The following DIP2B variants were observed in gnomAD, a reference collection of about 807,000 sequenced individuals.
DIP2B encodes the protein DIP2 acetate--CoA ligase B (putative).
DIP2B carries 76 observed loss-of-function variants against 198.0 expected under a neutral mutation model. The ratio of observed to expected loss-of-function variants is 0.38; its 90% confidence interval spans 0.32 to 0.46. The LOEUF is 0.46. DIP2B is among the 20% of genes least tolerant of loss of function. The pLI is 0.99. For missense variants in DIP2B, 1,559 were observed against 1,978.4 expected (o/e 0.79, Z 4.02); for synonymous variants, 701 against 739.1 (o/e 0.95, Z 0.84).
At chr12:50,558,890 A>C (rs1958493846) in intron 1 of DIP2B, among the ~76,000 whole-genome samples, 1 of 152,178 alleles carries the variant, frequency 6.6e-6, no homozygotes, top group Non-Finnish European at 1.5e-5. Context: ...GATTCACTGA[A>C]AGTTTAAGAA....
intron 36 of DIP2B, among the ~76,000 whole-genome samples, chr12:50,741,025 C>G (rs1000693701): frequency 1.3e-5 from 2 of 152,190 alleles, no homozygotes; most frequent in African/African-American, 4.8e-5. Context: ...CAACGGAATG[C>G]CTCTTTGTGT....
intron 1 of DIP2B, among the ~76,000 whole-genome samples, chr12:50,603,637 A>G (rs1170118946): frequency 2.0e-5 from 3 of 151,812 alleles, no homozygotes; most frequent in Non-Finnish European, 4.4e-5. Context: ...TGGGAGGATC[A>G]TTTGAGCCCA....
chr12:50,515,268 CCT>C (rs1958053765), intron 1 of DIP2B, among the ~76,000 whole-genome samples: 1 of 150,804 alleles, frequency 6.6e-6, no homozygotes, highest in African/African-American at 2.4e-5. Flanking sequence ...GGAATCTCAC[CCT>C]GTTTCCTAGG....
rs200389059 is a variant in DIP2B at position 50,703,875 on chromosome 12, GA to G, written c.2326-252del. Among the ~76,000 whole-genome samples, 994 of 128,666 alleles carry G rather than the reference GA, an allele frequency of 7.7e-3. 11 individuals carry two copies. Among genetic ancestry groups the G allele is most frequent in the African/African-American group, 0.025 (887 of 35,026 alleles). The allele number at this position is 128,666 out of a possible 152,430, so 84.4% of individuals were successfully genotyped here. On this transcript the variant is annotated intron_variant, in intron 19 of 37. Coordinates refer to ENST00000301180, the MANE Select transcript of DIP2B (RefSeq NM_173602.3). ...GTTGCAAAAAGTATAATATCTGTTTGAAAAAAAAAAAAACTCAGCACATTTA... is the reference window on the plus strand; with the variant it reads ...GTTGCAAAAAGTATAATATCTGTTTGAAAAAAAAAAAACTCAGCACATTTA...
Position 50,703,915 on chromosome 12 carries a change from AT to A in DIP2B, c.2326-219del, listed in dbSNP as rs572571961. Among the ~76,000 whole-genome samples, 437 of 149,970 alleles carry A rather than the reference AT, an allele frequency of 2.9e-3. 6 individuals are homozygous for A. Among genetic ancestry groups the A allele is most frequent in the African/African-American group, 0.01 (414 of 41,116 alleles). ...TCAGCACATTTATTTATATATACAT[AT>A]TTTTTATATGTTTTATATATATATT... On this transcript the variant is annotated intron_variant, in intron 19 of 37. Coordinates refer to ENST00000301180, the MANE Select transcript of DIP2B (RefSeq NM_173602.3).
intron 26 of DIP2B, among the ~76,000 whole-genome samples, chr12:50,722,220 A>G (rs1939849822): frequency 6.7e-6 from 1 of 149,520 alleles, no homozygotes; most frequent in African/African-American, 2.5e-5. Flanking sequence ...CACACTTCAT[A>G]TTGTTCTGTG....
intron 32 of DIP2B, among the ~76,000 whole-genome samples, chr12:50,733,534 C>T (rs1940085288): frequency 6.6e-6 from 1 of 151,980 alleles, no homozygotes; most frequent in Non-Finnish European, 1.5e-5. Flanking sequence ...CCCCTACCCC[C>T]ACCACTCACC....
Position 50,678,794 on chromosome 12 carries a change from G to C in DIP2B, c.1032G>C (p.Gln344His). Residue 344 changes from glutamine to histidine, a missense_variant, in exon 8 of 38, where the codon CAG becomes CAC. By Grantham distance (24) the Gln-to-His change is conservative. Transcript: ENST00000301180. Reference protein sequence around the residue: ...NWPPALESALQRWGTTQAKCS... With the variant: ...NWPPALESALHRWGTTQAKCS... ...CTCCTGCTCTTGAATCTGCCCTGCA[G>C]CGCTGGGGTACCACTCAAGCAAAAT... 1 of 1,614,188 alleles carries C rather than the reference G, an allele frequency of 6.2e-7. No individual in the cohort carries two copies. Among genetic ancestry groups the C allele is most frequent in the Non-Finnish European group, 8.5e-7 (1 of 1,180,030 alleles).
chr12:50,625,601 G>A (rs540281160), intron 1 of DIP2B, among the ~76,000 whole-genome samples: 25 of 152,134 alleles, frequency 1.6e-4, no homozygotes, highest in Non-Finnish European at 2.8e-4. Flanking sequence ...TCAGAAACCA[G>A]TTGTACTCAT....
chr12:50,528,761 G>A (rs890618049), intron 1 of DIP2B, among the ~76,000 whole-genome samples: 3 of 152,228 alleles, frequency 2.0e-5, no homozygotes, highest in Non-Finnish European at 4.4e-5. Flanking sequence ...AGAGGCGACT[G>A]CAAAGACATG....
chr12:50,724,214 G>A (rs534776509), intron 27 of DIP2B, among the ~76,000 whole-genome samples: 12 of 152,328 alleles, frequency 7.9e-5, no homozygotes, highest in African/African-American at 2.4e-4. Flanking sequence ...GAAAAGCAGG[G>A]AGGGGAGTTG....
chr12:50,564,948 T>C (rs1309968586), intron 1 of DIP2B, among the ~76,000 whole-genome samples: 1 of 152,202 alleles, frequency 6.6e-6, no homozygotes, highest in Non-Finnish European at 1.5e-5. Context: ...GTAATCCAGT[T>C]TTATTTTTCT....
intron 1 of DIP2B, among the ~76,000 whole-genome samples, chr12:50,620,103 C>T (rs1937781794): frequency 6.6e-6 from 1 of 152,146 alleles, no homozygotes; most frequent in African/African-American, 2.4e-5. Flanking sequence ...AGTCCTTTTG[C>T]CTCAGATGTG....
chr12:50,631,107 C>T (rs749904421), intron 2 of DIP2B, among the ~76,000 whole-genome samples: 2 of 152,010 alleles, frequency 1.3e-5, no homozygotes, highest in Non-Finnish European at 2.9e-5. Context: ...ACTCTTTCTC[C>T]GGTCAGTTTC....
intron 1 of DIP2B, among the ~76,000 whole-genome samples, chr12:50,558,100 TCC>T (rs1565823769): frequency 2.9e-3 from 2 of 690 alleles, no homozygotes; most frequent in Non-Finnish European, 0.11. Flanking sequence ...CGCGGTAGCG[TCC>T]TAAGCCTGTA....
intron 2 of DIP2B, among the ~76,000 whole-genome samples, chr12:50,638,805 G>C (rs1373363364): frequency 6.6e-6 from 1 of 151,806 alleles, no homozygotes; most frequent in African/African-American, 2.4e-5. Context: ...TTTTGATGAG[G>C]CCTGAGGTAT....
chr12:50,550,846 C>T (rs1387253193), intron 1 of DIP2B, among the ~76,000 whole-genome samples: 4 of 152,094 alleles, frequency 2.6e-5, no homozygotes, highest in Admixed American at 2.0e-4. Context: ...AAAGATGGTC[C>T]GACACAGTGG....
rs1217898862 is a variant in DIP2B at position 50,660,234 on chromosome 12, T to C, written c.342T>C (p.His114=). The C allele has an allele frequency of 1.2e-6, 2 of 1,613,138 alleles. No homozygotes were observed. The change falls in exon 4 of 38, where the codon CAT becomes CAC. Residue 114 remains histidine, a synonymous_variant. Coordinates refer to ENST00000301180, the MANE Select transcript of DIP2B (RefSeq NM_173602.3). The part of the protein sequence containing the change: ...TEAVQAALAK[H]KEQKMALPMP... Reference sequence around the variant, plus strand: ...CAGTTCAGGCTGCACTGGCAAAGCATAAAGAACAGAAGATGGCTTTGCCCA... The same window carrying C: ...CAGTTCAGGCTGCACTGGCAAAGCACAAAGAACAGAAGATGGCTTTGCCCA...
At chr12:50,576,772 C>T (rs939013170) in intron 1 of DIP2B, among the ~76,000 whole-genome samples, 1 of 152,100 alleles carries the variant, frequency 6.6e-6, no homozygotes, top group Non-Finnish European at 1.5e-5. Context: ...TGAGCTACCG[C>T]GCCCAGCCGG....
Sources: allele counts gnomAD v4.1 joint callset (sites outside exome capture counted in the v4.1 genomes callset), GRCh38; gene constraint gnomAD v4.1.1; transcripts MANE v1.5; gene names NCBI Gene and HGNC (gene_info 2026-07-23, HGNC 2026-07-21).